Variants in PCDH7 observed in about 807,000 individuals in gnomAD.
PCDH7 encodes the protein protocadherin-7.
In PCDH7, 17 loss-of-function variants were observed where a neutral mutation model predicts 58.9. The observed-to-expected ratio is 0.29, with a 90% CI of 0.20 to 0.43. The LOEUF is 0.43. Among genes scored for constraint, PCDH7 ranks in the 20% least tolerant of loss-of-function variants. The pLI, the probability that PCDH7 is intolerant of heterozygous loss-of-function variation, is 1.00. For synonymous variants in PCDH7, 664 were observed against 616.4 expected (o/e 1.08, Z -1.14); for missense variants, 1,274 against 1,441.0 (o/e 0.88, Z 1.88).
intron 3 of PCDH7, among the ~76,000 whole-genome samples, chr4:31,031,032 C>T (rs547336448): frequency 1.3e-5 from 2 of 151,770 alleles, no homozygotes; most frequent in Non-Finnish European, 2.9e-5. Context: ...AAGATCTGCA[C>T]AAAAGTACGT....
At chr4:30,985,445 T>C (rs1409128132) in intron 3 of PCDH7, among the ~76,000 whole-genome samples, 8 of 152,222 alleles carry the variant, frequency 5.3e-5, no homozygotes, top group Non-Finnish European at 1.0e-4. Flanking sequence ...TGAGATACTT[T>C]AACATCTAGT....
At chr4:31,120,288 C>T (rs940840696) in intron 3 of PCDH7, among the ~76,000 whole-genome samples, 1 of 151,688 alleles carries the variant, frequency 6.6e-6, no homozygotes, top group African/African-American at 2.4e-5. Context: ...TCCTGTTCAT[C>T]CCTATTTCTT....
At chr4:30,830,481 T>A (rs1431616761) in intron 1 of PCDH7, among the ~76,000 whole-genome samples, 1 of 152,110 alleles carries the variant, frequency 6.6e-6, no homozygotes, top group Admixed American at 6.6e-5. Flanking sequence ...ATTTAAAAAA[T>A]AACATGTTTT....
chr4:31,109,455 A>C (rs1324098177), intron 3 of PCDH7, among the ~76,000 whole-genome samples: 1 of 152,238 alleles, frequency 6.6e-6, no homozygotes, highest in Non-Finnish European at 1.5e-5. Context: ...ATAAGATTGT[A>C]AGAGGATAAA....
At chr4:30,962,676 G>C (rs1748559518) in intron 3 of PCDH7, among the ~76,000 whole-genome samples, 2 of 150,344 alleles carry the variant, frequency 1.3e-5, no homozygotes, top group South Asian at 4.3e-4. Context: ...CAGCTATTCT[G>C]GAGGCTGAGG....
chr4:31,011,257 A>G (rs2109152451), intron 3 of PCDH7, among the ~76,000 whole-genome samples: 1 of 152,152 alleles, frequency 6.6e-6, no homozygotes, highest in East Asian at 1.9e-4. Context: ...GCTATTTTAT[A>G]AGAAGATATT....
intron 2 of PCDH7, among the ~76,000 whole-genome samples, chr4:30,946,477 T>A (rs1746690195): frequency 6.6e-6 from 1 of 151,890 alleles, no homozygotes; most frequent in Admixed American, 6.6e-5. Flanking sequence ...CTCACCCACC[T>A]CCCTCCCACC....
intron 1 of PCDH7, among the ~76,000 whole-genome samples, chr4:30,750,263 G>T (rs1005444955): frequency 2.0e-5 from 3 of 152,138 alleles, no homozygotes; most frequent in Non-Finnish European, 4.4e-5. Flanking sequence ...GGCCCTGAAG[G>T]CTGGAAATCC....
intron 1 of PCDH7, among the ~76,000 whole-genome samples, chr4:30,904,624 C>T (rs922803356): frequency 5.3e-5 from 8 of 152,198 alleles, no homozygotes; most frequent in African/African-American, 1.7e-4. Flanking sequence ...ACTTAGCACA[C>T]TCACCTTCAA....
intron 3 of PCDH7, among the ~76,000 whole-genome samples, chr4:31,134,161 A>G (rs533089546): frequency 6.6e-5 from 10 of 152,142 alleles, no homozygotes; most frequent in African/African-American, 2.4e-4. Flanking sequence ...TGATGAGGAG[A>G]TATAAAAGAA....
intron 2 of PCDH7, among the ~76,000 whole-genome samples, chr4:30,934,502 T>C (rs934100230): frequency 2.0e-5 from 3 of 152,142 alleles, no homozygotes; most frequent in African/African-American, 7.2e-5. Context: ...GAAGGAGAAT[T>C]AGAGGACTCT....
At chr4:31,144,946 AC>A (rs1720580256), downstream of PCDH7, 1 of 152,172 alleles carries the variant, frequency 6.6e-6, no homozygotes, top group South Asian at 2.1e-4. Flanking sequence ...ATCTGTAAGT[AC>A]CTATTAAGAC....
At chr4:31,031,529 A>T (rs1307907387) in intron 3 of PCDH7, among the ~76,000 whole-genome samples, 2 of 152,214 alleles carry the variant, frequency 1.3e-5, no homozygotes, top group Non-Finnish European at 2.9e-5. Context: ...GGCTGGAAGG[A>T]TAGTTTATGA....
chr4:30,880,847 T>A (rs1438762714), intron 1 of PCDH7, among the ~76,000 whole-genome samples: 1 of 152,146 alleles, frequency 6.6e-6, no homozygotes, highest in Non-Finnish European at 1.5e-5. Flanking sequence ...CGTACTTAAA[T>A]GAAAGCCAAG....
At chr4:31,060,014 T>C (rs1220421201) in intron 3 of PCDH7, among the ~76,000 whole-genome samples, 1 of 151,754 alleles carries the variant, frequency 6.6e-6, no homozygotes, top group Non-Finnish European at 1.5e-5. Flanking sequence ...TGCCAGCTTT[T>C]CTTTGTTTAG....
intron 1 of PCDH7, chr4:30,730,723 C>G (rs202147947): frequency 1.3e-6 from 2 of 1,515,642 alleles, no homozygotes; most frequent in Non-Finnish European, 1.8e-6. Context: ...TTTTTTTTAC[C>G]TGCATAAATC....
At chr4:30,847,453 A>T (rs1488841137) in intron 1 of PCDH7, among the ~76,000 whole-genome samples, 1 of 152,148 alleles carries the variant, frequency 6.6e-6, no homozygotes, top group Non-Finnish European at 1.5e-5. Flanking sequence ...CTGTGAAGGA[A>T]CTGTTGCCCA....
At chr4:30,799,023 A>T (rs113168655) in intron 1 of PCDH7, among the ~76,000 whole-genome samples, 97 of 152,332 alleles carry the variant, frequency 6.4e-4, no homozygotes, top group African/African-American at 1.7e-3. Context: ...ATATGATTTC[A>T]TTTGTAGTAA....
chr4:31,085,594 C>T (rs1712304931), intron 3 of PCDH7, among the ~76,000 whole-genome samples: 3 of 152,144 alleles, frequency 2.0e-5, no homozygotes, highest in African/African-American at 7.2e-5. Flanking sequence ...AGTTAGATCT[C>T]TTTCACTGTC....
Sources: gnomAD v4.1 joint callset for allele counts (sites outside exome capture counted in the v4.1 genomes callset) on GRCh38, gnomAD v4.1.1 for gene constraint, MANE v1.5 for transcripts, NCBI Gene and HGNC (gene_info 2026-07-23, HGNC 2026-07-21) for gene names.